Variants in PTPN2 observed in about 807,000 individuals in gnomAD.
PTPN2 encodes protein tyrosine phosphatase non-receptor type 2, also known as tyrosine-protein phosphatase non-receptor type 2.
PTPN2 carries 19 observed loss-of-function variants against 57.3 expected under a neutral mutation model. That is an observed-to-expected ratio of 0.33 (90% CI 0.23 to 0.49). The LOEUF is 0.49. Among genes scored for constraint, PTPN2 ranks in the 20% least tolerant of loss-of-function variants. The pLI is 0.99. For missense variants in PTPN2, 358 were observed against 501.1 expected, an observed-to-expected ratio of 0.71 and a Z score of 2.73; for synonymous variants, 153 against 164.9, an observed-to-expected ratio of 0.93 and a Z score of 0.55.
At chr18:12,844,216 T>C (rs2043142097) in intron 2 of PTPN2, among the ~76,000 whole-genome samples, 1 of 152,258 alleles carries the variant, frequency 6.6e-6, no homozygotes, top group Admixed American at 6.5e-5. Context: ...AATCTGGGGC[T>C]ACTACAGATA....
intron 7 of PTPN2, among the ~76,000 whole-genome samples, chr18:12,811,897 C>T (rs2041903382): frequency 6.6e-6 from 1 of 152,122 alleles, no homozygotes; most frequent in African/African-American, 2.4e-5. Flanking sequence ...AGGAGCCATG[C>T]CCCCCACACA....
intron 1 of PTPN2, chr18:12,863,119 C>T (rs989488101): frequency 3.9e-5 from 6 of 152,212 alleles, no homozygotes; most frequent in African/African-American, 1.2e-4. Context: ...AAAGCCAGCT[C>T]TACTTGTGTT....
In PTPN2 at chr18:12,884,211, G is replaced by C. The variant is rs945331118; in HGVS notation, c.-70C>G. 1.2e-5 allele frequency: 15 copies of C among 1,271,690 alleles called. No individual in the cohort carries two copies. The highest frequency in any genetic ancestry group is 3.2e-5 in the Admixed American group (1 of 31,488). The allele number at this position is 1,271,690 out of a possible 1,614,324, so 78.8% of individuals were successfully genotyped here. On this transcript the variant is annotated 5_prime_UTR_variant, in exon 1 of 9. Transcript: ENST00000309660. The stretch of plus-strand genomic sequence containing the variant: ...GAGGCTCAGGCCCCGCACGATCCGG[G>C]GAGAGCGCTGGCGCTGCGGCGCATG...
intron 5 of PTPN2, chr18:12,819,389 T>C: frequency 1.8e-6 from 1 of 552,616 alleles, no homozygotes; most frequent in Non-Finnish European, 3.1e-6. Context: ...AAAGCCAGAC[T>C]AAAGGCTATA....
At chr18:12,805,639 C>CTTTTT (rs755422217) in intron 7 of PTPN2, among the ~76,000 whole-genome samples, 3 of 114,160 alleles carry the variant, frequency 2.6e-5, no homozygotes, top group Admixed American at 9.8e-5. Flanking sequence ...TGCCTCCTTT[C>CTTTTT]TTTTTTTTTT....
chr18:12,802,259 A>C, intron 7 of PTPN2, 108 bp from the exon 8 acceptor site: 2 of 874,000 alleles, frequency 2.3e-6, no homozygotes, highest in Non-Finnish European at 3.4e-6. Context: ...AGAAAACCCA[A>C]TGATGCTAAA....
chr18:12,859,620 T>A (rs989983305), intron 1 of PTPN2, among the ~76,000 whole-genome samples: 1 of 152,162 alleles, frequency 6.6e-6, no homozygotes, highest in African/African-American at 2.4e-5. Context: ...TCAAACACTT[T>A]ATGAAGCAGA....
intron 1 of PTPN2, chr18:12,869,109 C>T (rs1463926269): frequency 6.6e-6 from 1 of 152,174 alleles, no homozygotes; most frequent in African/African-American, 2.4e-5. Context: ...GAGAACACAC[C>T]ACTACACCCC....
intron 2 of PTPN2, among the ~76,000 whole-genome samples, chr18:12,852,191 A>AACACACACACACACACACAAACACAC (rs2043419722): frequency 7.1e-6 from 1 of 140,410 alleles, no homozygotes; most frequent in African/African-American, 2.6e-5. Flanking sequence ...ATGGGTTTTT[A>AACACACACACACACACACAAACACAC]ACACACACAC....
rs114943819 is a variant in PTPN2 at position 12,832,691 on chromosome 18, A to G, written c.262-1650T>C. 7.8e-3 allele frequency among the ~76,000 whole-genome samples: 1,174 copies of G among 149,790 alleles called. 8 individuals are homozygous for G. Among genetic ancestry groups the G allele is most frequent in the African/African-American group, 0.027 (1,117 of 40,886 alleles). ...ATGAATACCTTTTTCTTTAATTAGG[A>G]AAAAAAAAATGGATGTAGCAATTTG... On this transcript the variant is annotated intron_variant, in intron 3 of 8. Coordinates refer to ENST00000309660, the MANE Select transcript of PTPN2 (RefSeq NM_002828.4).
chr18:12,821,904 G>A (rs16939895), intron 5 of PTPN2, among the ~76,000 whole-genome samples: 26,297 of 152,116 alleles, frequency 0.17, 2,405 homozygotes, highest in East Asian at 0.36. Context: ...TCACTCAGGT[G>A]TAATGTGCTT....
chr18:12,835,604 G>T (rs2042836085), intron 3 of PTPN2, among the ~76,000 whole-genome samples: 1 of 152,008 alleles, frequency 6.6e-6, no homozygotes, highest in Non-Finnish European at 1.5e-5. Flanking sequence ...TCAAACTCCT[G>T]ATCTCAGGTG....
rs1191522435 is a variant in PTPN2, at chr18:12,870,275, ATATATATACATATACATATATATGTG to A, written c.70-11047_70-11022del. 1.4e-4 allele frequency among the ~76,000 whole-genome samples: 10 copies of A among 70,982 alleles called. 2 individuals are homozygous for A. Among genetic ancestry groups the A allele is most frequent in the Admixed American group, 4.3e-4 (3 of 7,004 alleles). 46.6% of individuals were successfully genotyped at this position (70,982 alleles called of 152,430 possible). On this transcript the variant is annotated intron_variant, in intron 1 of 8. Coordinates refer to ENST00000309660, the MANE Select transcript of PTPN2 (RefSeq NM_002828.4). ...AACTTTAGCATATATATATATATGT[ATATATATACATATACATATATATGTG>A]TATATATACATATATATGTGTATAT...
chr18:12,795,387 G>A (rs1345334005), intron 8 of PTPN2, among the ~76,000 whole-genome samples: 2 of 152,110 alleles, frequency 1.3e-5, no homozygotes, highest in African/African-American at 4.8e-5. Flanking sequence ...CCCGCCTTCC[G>A]GGTTCAAGCA....
chr18:12,824,449 CTTCTCT>C (rs2042376894), intron 5 of PTPN2, among the ~76,000 whole-genome samples: 1 of 152,154 alleles, frequency 6.6e-6, no homozygotes, highest in Non-Finnish European at 1.5e-5. Context: ...ATATATCTCC[CTTCTCT>C]TTAAGGTTTT....
At chr18:12,880,148 G>A (rs555599189) in intron 1 of PTPN2, among the ~76,000 whole-genome samples, 1 of 152,162 alleles carries the variant, frequency 6.6e-6, no homozygotes, top group Non-Finnish European at 1.5e-5. Flanking sequence ...ATGAGTAGGA[G>A]GCAGTTTAAG....
chr18:12,875,532 A>G (rs936085300), intron 1 of PTPN2, among the ~76,000 whole-genome samples: 2 of 152,140 alleles, frequency 1.3e-5, no homozygotes, highest in African/African-American at 4.8e-5. Flanking sequence ...AGTTCAGTTT[A>G]TTAGTTGGTT....
chr18:12,807,679 A>G (rs1235271570), intron 7 of PTPN2, among the ~76,000 whole-genome samples: 1 of 148,838 alleles, frequency 6.7e-6, no homozygotes, highest in African/African-American at 2.5e-5. Flanking sequence ...ACTGGAGGAC[A>G]TTAAGCCAAG....
Position 12,794,190 on chromosome 18 carries a change from T to C in PTPN2, c.*88A>G. The C allele has an allele frequency of 6.4e-7, 1 of 1,568,862 alleles. No homozygotes were observed. Among genetic ancestry groups the C allele is most frequent in the Non-Finnish European group, 8.6e-7 (1 of 1,161,308 alleles). On this transcript the variant is annotated 3_prime_UTR_variant, in exon 9 of 9. Coordinates refer to ENST00000309660, the MANE Select transcript of PTPN2 (RefSeq NM_002828.4). ...CTATTCTACTGCACCGTTTTTGGGA[T>C]ATGAGGCGTTTGCTGCAGACAAACC...
Sources: gnomAD v4.1 joint callset for allele counts (sites outside exome capture counted in the v4.1 genomes callset) on GRCh38, gnomAD v4.1.1 for gene constraint, MANE v1.5 for transcripts, NCBI Gene and HGNC (gene_info 2026-07-23, HGNC 2026-07-21) for gene names.